Variants in SCN4A observed in about 807,000 individuals in gnomAD.
SCN4A encodes the protein sodium voltage-gated channel alpha subunit 4.
A neutral mutation model predicts 162.0 loss-of-function variants in SCN4A; 83 were observed. The ratio of observed to expected loss-of-function variants is 0.51; its 90% CI spans 0.43 to 0.61. The LOEUF (loss-of-function observed/expected upper bound fraction) is 0.61. SCN4A is among the 20% of genes least tolerant of loss of function. The pLI is 0.00. For missense variants in SCN4A, 2,196 were observed against 2,462.5 expected, an observed-to-expected ratio of 0.89 and a Z score of 2.29; for synonymous variants, 944 against 985.1, an observed-to-expected ratio of 0.96 and a Z score of 0.78.
chr17:63,964,799 G>C, intron 8 of SCN4A, 122 bp from the exon 9 acceptor site: 1 of 717,402 alleles, frequency 1.4e-6, no homozygotes, highest in Non-Finnish European at 2.3e-6. Flanking sequence ...ACAGAGCCTG[G>C]GGGACTGATG....
At chr17:63,961,035 C>A (rs950271173) in intron 11 of SCN4A, among the ~76,000 whole-genome samples, 158 bp downstream of exon 11, 4 of 145,390 alleles carry the variant, frequency 2.8e-5, no homozygotes, top group Admixed American at 6.8e-5. Flanking sequence ...TACCCCCCCC[C>A]ACATCAACTC....
At position 63,941,163 on chromosome 17, in the gene SCN4A, C is replaced by A. The variant is rs1230495546; in HGVS notation, c.5119G>T (p.Ala1707Ser). The A allele has an allele frequency of 1.2e-6, 2 of 1,613,680 alleles. No homozygotes were observed. The highest frequency in any genetic ancestry group is 1.7e-5 in the Admixed American group (1 of 59,982). The change falls in exon 24 of 24, where the codon GCA becomes TCA. Residue 1707 changes from alanine to serine, a missense_variant. Transcript: ENST00000435607. The surrounding 1 kb of genome is among the most constrained non-coding windows in gnomAD (Gnocchi z 6.2). ...LKQTMEEKFM[A>S]ANPSKVSYEP... ...TAGGACACCTTGGAGGGGTTGGCTG[C>A]CATGAACTTCTCCTCCATGGTCTGC... is the stretch of plus-strand genomic sequence containing the variant.
In SCN4A at chr17:63,967,901, C is replaced by T. The variant is rs144283663; in HGVS notation, c.1036+122G>A. ...TGAGCTGAGATGGCACCTTTGCACT[C>T]CAGCCTGGGTGACAAGAGTGAGACT... On this transcript the variant is annotated intron_variant, in intron 6 of 23. Transcript: ENST00000435607. 1.3e-3 allele frequency: 1,115 copies of T among 875,058 alleles called. 8 individuals are homozygous for T. The Middle Eastern group carries it at 0.02, about 15-fold the overall frequency. The allele number at this position is 875,058 out of a possible 1,614,324, so 54.2% of individuals were successfully genotyped here. A position where few individuals can be genotyped will look rare whatever the true frequency, so the allele number is the denominator to read the frequency against.
intron 12 of SCN4A, among the ~76,000 whole-genome samples, chr17:63,958,229 C>T (rs994887020): frequency 1.3e-5 from 2 of 151,492 alleles, no homozygotes; most frequent in African/African-American, 4.9e-5. Context: ...ATTAGCTAGG[C>T]ATGGTGGTCC....
In SCN4A at chr17:63,944,713, A is replaced by G. The variant is rs755586645; in HGVS notation, c.3872T>C (p.Ile1291Thr). Residue 1291 changes from isoleucine (I) to threonine (T), a missense_variant, in exon 21 of 24, where the codon ATT becomes ACT. Transcript: ENST00000435607. The surrounding 1 kb of genome is among the most constrained non-coding windows in gnomAD (Gnocchi z 4.3). ...GTTGAAGTTGTCAATGATGACGCCA[A>G]TGAAGAGGTTGAGGGTGAAGAAGGA... ...FGSFFTLNLFIGVIIDNFNQQ... is the reference protein window; with the variant it reads ...FGSFFTLNLFTGVIIDNFNQQ... The G allele has an allele frequency of 2.5e-6, 4 of 1,612,356 alleles. No individual in the cohort carries two copies. The highest frequency in any genetic ancestry group is 2.2e-5 in the East Asian group (1 of 44,836).
At chr17:63,953,308 C>G (rs535226825) in intron 13 of SCN4A, among the ~76,000 whole-genome samples, 63 of 151,258 alleles carry the variant, frequency 4.2e-4, no homozygotes, top group African/African-American at 1.5e-3. Context: ...TGCAGTGAGT[C>G]GAGATCACGC....
At chr17:63,966,848 A>C (rs4968678) in intron 6 of SCN4A, among the ~76,000 whole-genome samples, 1 of 152,142 alleles carries the variant, frequency 6.6e-6, no homozygotes, top group Non-Finnish European at 1.5e-5. Flanking sequence ...TTGTGTACCT[A>C]TGTAGGGCCC....
At position 63,951,592 on chromosome 17, in the gene SCN4A, G is replaced by A. The variant is rs760183656; in HGVS notation, c.2685C>T (p.Asn895=). 21 of 1,613,842 alleles carry A rather than the reference G, an allele frequency of 1.3e-5. No homozygotes were observed. Among genetic ancestry groups the A allele is most frequent in the Middle Eastern group, 1.6e-4 (1 of 6,084 alleles). Residue 895 remains asparagine (N), a synonymous_variant, in exon 14 of 24, where the codon AAC becomes AAT. Coordinates refer to ENST00000435607, the MANE Select transcript of SCN4A (RefSeq NM_000334.4). This position sits in a 1 kb window ranked among gnomAD's most constrained non-coding sequence, Gnocchi z 4.5. The part of the protein sequence containing the change: ...EDLKKDNHIL[N]HMGLADGPPS... Reference sequence around the variant, plus strand: ...GGGGGCCGTCAGCCAGGCCCATGTGGTTCAGGATGTGATTGTCCTTCTTCA... The same window carrying A: ...GGGGGCCGTCAGCCAGGCCCATGTGATTCAGGATGTGATTGTCCTTCTTCA...
At position 63,944,463 on chromosome 17, in the gene SCN4A, C is replaced by T. The variant is rs1326305264; in HGVS notation, c.3912+210G>A. On this transcript the variant is annotated intron_variant, in intron 21 of 23. Transcript: ENST00000435607. This position sits in a 1 kb window ranked among gnomAD's most constrained non-coding sequence, Gnocchi z 4.3. ...GCCACCGTGCCTGGCCCAGCAGTCT[C>T]ATTTTACAGATAAGGACACCGAGGT... Among the ~76,000 whole-genome samples the T allele has an allele frequency of 6.6e-6, 1 of 152,116 alleles. No homozygotes were observed. Among genetic ancestry groups the T allele is most frequent in the East Asian group, 1.9e-4 (1 of 5,184 alleles).
rs2144813932 is a variant in SCN4A at position 63,971,835 on chromosome 17, C to T, written c.498G>A (p.Gly166=). The change falls in exon 4 of 24, where the codon GGG becomes GGA. Residue 166 remains glycine (G), a synonymous_variant. Coordinates refer to ENST00000435607, the MANE Select transcript of SCN4A (RefSeq NM_000334.4). ...TGATGAGGGACTCAAAGGTGTAGAT[C>T]CCTGTGAAGGTGTACCTGGGGGGGA... ...WSKNVEYTFT[G]IYTFESLIKI... The T allele has an allele frequency of 6.2e-7, 1 of 1,613,568 alleles. No individual in the cohort carries two copies. Among genetic ancestry groups the T allele is most frequent in the Non-Finnish European group, 8.5e-7 (1 of 1,179,714 alleles).
At chr17:63,960,069 A>G (rs1468679094) in intron 11 of SCN4A, among the ~76,000 whole-genome samples, 1 of 152,244 alleles carries the variant, frequency 6.6e-6, no homozygotes, top group African/African-American at 2.4e-5. Flanking sequence ...TTCCCCTGCC[A>G]ACCCTGGACA....
intron 22 of SCN4A, among the ~76,000 whole-genome samples, chr17:63,943,449 G>A (rs1260707075): frequency 1.3e-5 from 2 of 152,056 alleles, no homozygotes; most frequent in Non-Finnish European, 2.9e-5. Flanking sequence ...CTTGCCCCAG[G>A]GGCCACTGGG....
chr17:63,952,238 C>T (rs539179710), intron 13 of SCN4A, among the ~76,000 whole-genome samples: 1 of 151,746 alleles, frequency 6.6e-6, no homozygotes, highest in East Asian at 1.9e-4. Flanking sequence ...CCTCTGTTGC[C>T]TCCAGACTCC....
chr17:63,943,259 G>C (rs2144776739), intron 22 of SCN4A, among the ~76,000 whole-genome samples, 163 bp from the exon 23 acceptor site: 1 of 152,114 alleles, frequency 6.6e-6, no homozygotes, highest in South Asian at 2.1e-4. Context: ...GGGGGTTGTG[G>C]TGGAGTCAGC....
chr17:63,948,079 C>G lies in SCN4A; in HGVS notation c.3145-16G>C. 1 of 1,583,876 alleles carries G rather than the reference C, an allele frequency of 6.3e-7. No individual in the cohort carries two copies. The highest frequency in any genetic ancestry group is 8.6e-7 in the Non-Finnish European group (1 of 1,158,870). ...CCTCGAAGGCCTGGGGGCACCAGCA[C>G]CACCAGGGTGGCTGGGGTCCAGCAG... On this transcript the variant is annotated splice_polypyrimidine_tract_variant and intron_variant, in intron 16 of 23. Coordinates refer to ENST00000435607, the MANE Select transcript of SCN4A (RefSeq NM_000334.4).
At chr17:63,953,603 C>A (rs572716169) in intron 13 of SCN4A, among the ~76,000 whole-genome samples, 1 of 151,476 alleles carries the variant, frequency 6.6e-6, no homozygotes, top group South Asian at 2.1e-4. Flanking sequence ...ATCACTTGAA[C>A]CCGGGAGGCG....
chr17:63,945,417 G>C lies in SCN4A; in HGVS notation c.3663C>G (p.Leu1221=). ...CGTTGTCGTAGTTGACCTTGACATTGAGCCAGCGGACCTGGCCTGTGTGCA... is the reference window on the plus strand; with the variant it reads ...CGTTGTCGTAGTTGACCTTGACATTCAGCCAGCGGACCTGGCCTGTGTGCA... The part of the protein sequence containing the change: ...SLMHTGQVRW[L]NVKVNYDNVG... The change falls in exon 19 of 24, where the codon CTC becomes CTG. Residue 1221 remains leucine (L), a synonymous_variant. Transcript: ENST00000435607. This position sits in a 1 kb window ranked among gnomAD's most constrained non-coding sequence, Gnocchi z 4.4. 6.2e-7 allele frequency: 1 copy of C among 1,613,850 alleles called. No homozygotes were observed. Among genetic ancestry groups the C allele is most frequent in the East Asian group, 2.2e-5 (1 of 44,866 alleles).
intron 8 of SCN4A, among the ~76,000 whole-genome samples, chr17:63,965,342 C>A (rs1909404927): frequency 1.3e-5 from 2 of 152,170 alleles, no homozygotes; most frequent in East Asian, 1.9e-4. Context: ...CTGCACCCAG[C>A]CAGTAGCTGT....
rs560308459 is a variant in SCN4A, at chr17:63,944,400, C to T, written c.3912+273G>A. ...CGAACTCCTGACCTTGTGATCCGCC[C>T]GCCTCGGCCTCCCAAAGTGCTGGGA... On this transcript the variant is annotated intron_variant, in intron 21 of 23. Transcript: ENST00000435607. This position sits in a 1 kb window ranked among gnomAD's most constrained non-coding sequence, Gnocchi z 4.3. 1.7e-4 allele frequency among the ~76,000 whole-genome samples: 26 copies of T among 152,220 alleles called. No homozygotes were observed. Among genetic ancestry groups the T allele is most frequent in the East Asian group, 9.7e-4 (5 of 5,180 alleles).
Sources: allele counts gnomAD v4.1 joint callset (sites outside exome capture counted in the v4.1 genomes callset), GRCh38; gene constraint gnomAD v4.1.1; non-coding constraint Gnocchi (gnomAD v3.1); transcripts MANE v1.5; gene names NCBI Gene and HGNC (gene_info 2026-07-23, HGNC 2026-07-21).